The following RGS6 variants were observed in gnomAD, a reference collection of about 807,000 sequenced individuals.
RGS6 encodes regulator of G protein signaling 6.
RGS6 carries 30 observed loss-of-function variants against 78.5 expected under a neutral mutation model. The ratio of observed to expected loss-of-function variants is 0.38; its 90% confidence interval spans 0.29 to 0.52. The LOEUF is 0.52. Among genes scored for constraint, RGS6 ranks in the 20% least tolerant of loss-of-function variants. The pLI is 0.85. For synonymous variants in RGS6, 206 were observed against 206.0 expected (o/e 1.00, Z 0.00); for missense variants, 495 against 609.7 (o/e 0.81, Z 1.98).
chr14:72,272,283 T>C (rs371386573), intron 2 of RGS6, among the ~76,000 whole-genome samples: 2 of 152,114 alleles, frequency 1.3e-5, no homozygotes, highest in African/African-American at 2.4e-5. Flanking sequence ...CTCAATGCAA[T>C]TGAGGTGACT....
intron 1 of RGS6, among the ~76,000 whole-genome samples, chr14:71,938,172 A>G (rs888997171): frequency 3.3e-5 from 5 of 152,190 alleles, no homozygotes; most frequent in African/African-American, 1.2e-4. Context: ...TACATGGGAT[A>G]CAGATAGCTT....
intron 1 of RGS6, among the ~76,000 whole-genome samples, chr14:71,939,874 T>TTGCACA (rs1471697894): frequency 3.7e-4 from 57 of 152,226 alleles, no homozygotes; most frequent in African/African-American, 1.3e-3. Context: ...GATACTGTTT[T>TTGCACA]TGATTTGCTA....
At chr14:72,131,281 G>C (rs1248847246) in intron 2 of RGS6, among the ~76,000 whole-genome samples, 1 of 152,158 alleles carries the variant, frequency 6.6e-6, no homozygotes, top group African/African-American at 2.4e-5. Flanking sequence ...TAGCTTGGAG[G>C]TTCCTCTGGG....
At chr14:72,569,656 C>CAAGGCCA (rs1267604482), downstream of RGS6, among the ~76,000 whole-genome samples, 1 of 139,198 alleles carries the variant, frequency 7.2e-6, no homozygotes, top group African/African-American at 2.7e-5. Context: ...GGCTGGGCGA[C>CAAGGCCA]AGAGTGAGAC....
intron 3 of RGS6, among the ~76,000 whole-genome samples, chr14:72,371,093 G>A (rs2239224): frequency 0.59 from 89,253 of 152,112 alleles, 28,231 homozygotes; most frequent in African/African-American, 0.83. Flanking sequence ...GAAAATGACA[G>A]TGCTTAATTA....
At chr14:71,987,885 A>G (rs1187575619) in intron 2 of RGS6, among the ~76,000 whole-genome samples, 1 of 152,004 alleles carries the variant, frequency 6.6e-6, no homozygotes, top group Non-Finnish European at 1.5e-5. Flanking sequence ...CCTTCTCATG[A>G]CTGTCCATCT....
Position 72,004,477 on chromosome 14 carries a change from TTATTA to T in RGS6, c.84+39608_84+39612del, listed in dbSNP as rs749085792. Among the ~76,000 whole-genome samples, 45 of 152,380 alleles carry T rather than the reference TTATTA, an allele frequency of 3.0e-4. 1 individual carries two copies. The highest frequency in any genetic ancestry group is 1.8e-3 in the Admixed American group (27 of 15,304). ...AATGAAAGTTAAAACTATATTTTGC[TTATTA>T]TATTAGCAAAGATGAAAAATAATTG... On this transcript the variant is annotated intron_variant, in intron 2 of 17. Transcript: ENST00000553525.
chr14:72,609,792 T>TG, the RGS6 span, among the ~76,000 whole-genome samples: 1 of 152,174 alleles, frequency 6.6e-6, no homozygotes, highest in African/African-American at 2.4e-5. Context: ...ATGGAGATAT[T>TG]GTCTCAAGAC....
chr14:72,032,699 T>A (rs557528432), intron 2 of RGS6, among the ~76,000 whole-genome samples: 1 of 152,194 alleles, frequency 6.6e-6, no homozygotes, highest in Non-Finnish European at 1.5e-5. Flanking sequence ...ACTAGACTTA[T>A]GCAGTATTTG....
At chr14:72,370,983 G>C (rs545740973) in intron 3 of RGS6, among the ~76,000 whole-genome samples, 16 of 152,188 alleles carry the variant, frequency 1.1e-4, no homozygotes, top group Non-Finnish European at 2.2e-4. Flanking sequence ...GTCCTTAAAA[G>C]CTGTTTCATA....
intron 3 of RGS6, among the ~76,000 whole-genome samples, chr14:72,440,069 A>C (rs943823989): frequency 7.9e-5 from 12 of 152,124 alleles, no homozygotes; most frequent in African/African-American, 2.9e-4. Flanking sequence ...CATCCACGTG[A>C]TGCTGCTTTC....
intron 2 of RGS6, among the ~76,000 whole-genome samples, chr14:72,204,294 A>C (rs2042242487): frequency 6.6e-6 from 1 of 152,202 alleles, no homozygotes; most frequent in Non-Finnish European, 1.5e-5. Flanking sequence ...ATTCTGTTAT[A>C]TTCTGTTTCT....
chr14:72,094,352 C>A (rs1294432206), intron 2 of RGS6, among the ~76,000 whole-genome samples: 2 of 152,158 alleles, frequency 1.3e-5, no homozygotes, highest in Admixed American at 1.3e-4. Context: ...CATGCTGAAT[C>A]ATTTTGAATG....
chr14:72,384,282 C>G (rs1161922207), intron 3 of RGS6, among the ~76,000 whole-genome samples: 1 of 152,112 alleles, frequency 6.6e-6, no homozygotes, highest in African/African-American at 2.4e-5. Context: ...TTTACTGTTG[C>G]ATTTGAAAAT....
At chr14:71,969,439 G>T (rs982567101) in intron 2 of RGS6, among the ~76,000 whole-genome samples, 3 of 152,146 alleles carry the variant, frequency 2.0e-5, no homozygotes, top group African/African-American at 4.8e-5. Flanking sequence ...TTTGGGTCAG[G>T]AGGCATGGAA....
intron 2 of RGS6, among the ~76,000 whole-genome samples, chr14:72,125,463 C>T (rs975305860): frequency 2.6e-5 from 4 of 152,132 alleles, no homozygotes; most frequent in Admixed American, 6.6e-5. Context: ...CAACCAGGCC[C>T]CTTATTCCCA....
At chr14:72,569,211 A>T (rs2097717468), downstream of RGS6, among the ~76,000 whole-genome samples, 1 of 152,178 alleles carries the variant, frequency 6.6e-6, no homozygotes, top group African/African-American at 2.4e-5. Flanking sequence ...CAACATTGTT[A>T]TCAGTTTTGA....
At chr14:72,369,455 C>A (rs1481804645) in intron 3 of RGS6, among the ~76,000 whole-genome samples, 1 of 152,120 alleles carries the variant, frequency 6.6e-6, no homozygotes, top group Non-Finnish European at 1.5e-5. Flanking sequence ...TTTTAAGCCA[C>A]AAAGTTTGTG....
At chr14:71,997,422 G>A (rs1446598807) in intron 2 of RGS6, among the ~76,000 whole-genome samples, 3 of 152,200 alleles carry the variant, frequency 2.0e-5, no homozygotes, top group African/African-American at 7.2e-5. Flanking sequence ...TAGAGGGTCA[G>A]GGCTTCATAG....
Sources: gnomAD v4.1 joint callset for allele counts (sites outside exome capture counted in the v4.1 genomes callset) on GRCh38, gnomAD v4.1.1 for gene constraint, MANE v1.5 for transcripts, NCBI Gene and HGNC (gene_info 2026-07-23, HGNC 2026-07-21) for gene names.